The following IL1B variants were observed in gnomAD, a reference collection of about 807,000 sequenced individuals.
IL1B encodes interleukin 1 beta, also known as interleukin-1 beta.
A neutral mutation model predicts 26.2 loss-of-function variants in IL1B; 11 were observed. That is an observed-to-expected ratio of 0.42 (90% CI 0.26 to 0.70). The LOEUF (loss-of-function observed/expected upper bound fraction) is 0.70. Among genes scored for constraint, IL1B ranks in the 30% least tolerant of loss-of-function variants. IL1B has a pLI of 0.25. For synonymous variants in IL1B, 118 were observed against 120.8 expected, an observed-to-expected ratio of 0.98 and a Z score of 0.15; for missense variants, 255 against 327.5, an observed-to-expected ratio of 0.78 and a Z score of 1.71.
In IL1B at chr2:112,836,367, G is replaced by A. The variant is rs938597645; in HGVS notation, c.-15-123C>T. 7 of 761,328 alleles carry A rather than the reference G, an allele frequency of 9.2e-6. No homozygotes were observed. In the African/African-American group the frequency reaches 1.0e-4, roughly 11 times the overall value. 47.2% of individuals were successfully genotyped at this position (761,328 alleles called of 1,614,324 possible). A position where few individuals can be genotyped will look rare whatever the true frequency, so the allele number is the denominator to read the frequency against. ...GATCTCTGAGTAAATGAATGAATGT[G>A]TGAAAGAGAAGTCCTTTGGGTCTAG... On this transcript the variant is annotated intron_variant, in intron 1 of 6. Coordinates refer to ENST00000263341, the MANE Select transcript of IL1B (RefSeq NM_000576.3).
intron 5 of IL1B, 133 bp from the exon 6 acceptor site, chr2:112,831,555 G>A (rs931563392): frequency 6.3e-6 from 6 of 950,150 alleles, no homozygotes; most frequent in Non-Finnish European, 9.8e-6. Context: ...CTTGGCCTAA[G>A]ACACAGGATA....
rs1010163835 is a variant in IL1B at position 112,833,407 on chromosome 2, G to T, written c.268C>A (p.Leu90Met). The T allele has an allele frequency of 1.2e-6, 2 of 1,614,190 alleles. No individual in the cohort carries two copies. Among genetic ancestry groups the T allele is most frequent in the Non-Finnish European group, 1.7e-6 (2 of 1,180,044 alleles). Reference sequence around the variant, plus strand: ...AAGATGAAGGGAAAGAAGGTGCTCAGGTCATTCTCCTGGAAGGTCTGTGGG... The same window carrying T: ...AAGATGAAGGGAAAGAAGGTGCTCATGTCATTCTCCTGGAAGGTCTGTGGG... Reference protein sequence around the residue: ...PCPQTFQENDLSTFFPFIFEE... With the variant: ...PCPQTFQENDMSTFFPFIFEE... The change falls in exon 4 of 7, where the codon CTG becomes ATG. Residue 90 changes from leucine (L) to methionine (M), a missense_variant. Leu to Met is a conservative substitution (Grantham distance 15, BLOSUM62 2). Coordinates refer to ENST00000263341, the MANE Select transcript of IL1B (RefSeq NM_000576.3).
In IL1B at chr2:112,833,588, C is replaced by G; in HGVS notation, c.100-13G>C. 1 of 1,612,644 alleles carries G rather than the reference C, an allele frequency of 6.2e-7. No individual in the cohort carries two copies. Among genetic ancestry groups the G allele is most frequent in the African/African-American group, 1.3e-5 (1 of 74,968 alleles). ...CCTGGAAGGAGCACTGCGGAGAGAG[C>G]GAGGGAGGGAGCCTGGTGAGGTGGT... On this transcript the variant is annotated splice_polypyrimidine_tract_variant and intron_variant, in intron 3 of 6. Transcript: ENST00000263341.
intron 5 of IL1B, among the ~76,000 whole-genome samples, chr2:112,832,030 C>T (rs1231267577): frequency 6.6e-6 from 1 of 152,186 alleles, no homozygotes; most frequent in African/African-American, 2.4e-5. Context: ...ATAGCTTCCC[C>T]CTGAGTGAGG....
At chr2:112,833,141 G>T (rs769400829) in intron 4 of IL1B, 4 of 610,402 alleles carry the variant, frequency 6.6e-6, no homozygotes, top group East Asian at 2.8e-5. Context: ...TAAGTGAAAG[G>T]CCCCTGAGAA....
In IL1B at chr2:112,830,308, G is replaced by T; in HGVS notation, c.*53C>A. ...AAACCTTTCTGTTCCCTTTCTGCCA[G>T]CCCTAGGGATTGAGTCCACATTCAG... On this transcript the variant is annotated 3_prime_UTR_variant, in exon 7 of 7. Transcript: ENST00000263341. 6.8e-7 allele frequency: 1 copy of T among 1,467,562 alleles called. No individual in the cohort carries two copies. Among genetic ancestry groups the T allele is most frequent in the Non-Finnish European group, 9.6e-7 (1 of 1,047,052 alleles). The allele number at this position is 1,467,562 out of a possible 1,614,324, so 90.9% of individuals were successfully genotyped here. A position where few individuals can be genotyped will look rare whatever the true frequency, so the allele number is the denominator to read the frequency against.
At position 112,830,277 on chromosome 2, in the gene IL1B, A is replaced by AC; in HGVS notation, c.*83dup. On this transcript the variant is annotated 3_prime_UTR_variant, in exon 7 of 7. Transcript: ENST00000263341. ...ACAGGAAAGTCCAGGCTATAGCCGT[A>AC]CTCAAAAACCTTTCTGTTCCCTTTC... The AC allele has an allele frequency of 1.7e-6, 2 of 1,166,224 alleles. No individual in the cohort carries two copies. Among genetic ancestry groups the AC allele is most frequent in the East Asian group, 2.3e-5 (1 of 42,848 alleles). The allele number at this position is 1,166,224 out of a possible 1,614,324, so 72.2% of individuals were successfully genotyped here.
In IL1B at chr2:112,830,585, G is replaced by T; in HGVS notation, c.598-12C>A. On this transcript the variant is annotated splice_polypyrimidine_tract_variant and intron_variant, in intron 6 of 6. Transcript: ENST00000263341. ...TTGGGATCTACACTCTGCAGCGAAA[G>T]AGAAAGAAGAATTTTTGTGGGGCAA... 2 of 1,597,340 alleles carry T rather than the reference G, an allele frequency of 1.3e-6. No individual in the cohort carries two copies. Among genetic ancestry groups the T allele is most frequent in the Admixed American group, 1.7e-5 (1 of 59,990 alleles).
chr2:112,835,112 T>C (rs1382901136), intron 3 of IL1B: 1 of 198,288 alleles, frequency 5.0e-6, no homozygotes, highest in African/African-American at 2.3e-5. Flanking sequence ...TTTTTGTTTA[T>C]ATCATCTATG....
In IL1B at chr2:112,830,314, G is replaced by T; in HGVS notation, c.*47C>A. The T allele has an allele frequency of 6.7e-7, 1 of 1,497,584 alleles. No individual in the cohort carries two copies. Among genetic ancestry groups the T allele is most frequent in the Non-Finnish European group, 9.3e-7 (1 of 1,074,274 alleles). 92.8% of individuals were successfully genotyped at this position (1,497,584 alleles called of 1,614,324 possible). On this transcript the variant is annotated 3_prime_UTR_variant, in exon 7 of 7. Coordinates refer to ENST00000263341, the MANE Select transcript of IL1B (RefSeq NM_000576.3). ...TTCTGTTCCCTTTCTGCCAGCCCTA[G>T]GGATTGAGTCCACATTCAGCACAGG...
chr2:112,834,559 G>A (rs541130763), intron 3 of IL1B, among the ~76,000 whole-genome samples: 3 of 152,372 alleles, frequency 2.0e-5, no homozygotes, highest in African/African-American at 7.2e-5. Context: ...AGTTGAGCAG[G>A]AGAGAATTTC....
In IL1B at chr2:112,830,101, G is replaced by A; in HGVS notation, c.*260C>T. The A allele has an allele frequency of 4.6e-6, 2 of 438,010 alleles. No homozygotes were observed. The highest frequency in any genetic ancestry group is 8.2e-6 in the Non-Finnish European group (2 of 243,390). 27.1% of individuals were successfully genotyped at this position (438,010 alleles called of 1,614,324 possible). ...TGTGGCCGTGGTTTCTGTCAGGCGG[G>A]CTTTAAGTGAGTAGGAGAGGTGAGA... On this transcript the variant is annotated 3_prime_UTR_variant, in exon 7 of 7. Transcript: ENST00000263341.
rs1558781987 is a variant in IL1B at position 112,830,340 on chromosome 2, A to G, written c.*21T>C. The G allele has an allele frequency of 1.9e-6, 3 of 1,598,724 alleles. No individual in the cohort carries two copies. In the African/African-American group the frequency reaches 4.0e-5, roughly 21 times the overall value. On this transcript the variant is annotated 3_prime_UTR_variant, in exon 7 of 7. Coordinates refer to ENST00000263341, the MANE Select transcript of IL1B (RefSeq NM_000576.3). ...GGATTGAGTCCACATTCAGCACAGGACTCTCTGGGTACAGCTCTCTTTAGG... is the reference window on the plus strand; with the variant it reads ...GGATTGAGTCCACATTCAGCACAGGGCTCTCTGGGTACAGCTCTCTTTAGG...
chr2:112,831,947 A>G (rs1331522258), intron 5 of IL1B, among the ~76,000 whole-genome samples: 5 of 152,182 alleles, frequency 3.3e-5, no homozygotes, highest in African/African-American at 4.8e-5. Context: ...AGCAGTGTCA[A>G]TTGGAGGCCC....
chr2:112,833,112 C>T (rs913137324), intron 4 of IL1B: 25 of 598,674 alleles, frequency 4.2e-5, no homozygotes, highest in South Asian at 1.6e-4. Context: ...AGGGAGGTTA[C>T]GAACCTCTGG....
At chr2:112,833,751 T>C (rs1200108028) in intron 3 of IL1B, among the ~76,000 whole-genome samples, 176 bp from the exon 4 acceptor site, 1 of 152,122 alleles carries the variant, frequency 6.6e-6, no homozygotes, top group Non-Finnish European at 1.5e-5. Flanking sequence ...CCCAGCACTT[T>C]GGGAAGCCGA....
intron 3 of IL1B, 47 bp downstream of exon 3, chr2:112,835,519 T>C: frequency 6.7e-7 from 1 of 1,487,094 alleles, no homozygotes. Flanking sequence ...GAGCTTTCCC[T>C]GTGTTAGAGC....
chr2:112,831,267 G>A (rs774037611), intron 6 of IL1B, 25 bp downstream of exon 6: 5 of 1,613,414 alleles, frequency 3.1e-6, no homozygotes, highest in Non-Finnish European at 3.4e-6. Flanking sequence ...GCTGAGAAGG[G>A]CTTCATTCCA....
intron 6 of IL1B, 145 bp from the exon 7 acceptor site, chr2:112,830,718 A>G (rs193043599): frequency 3.1e-6 from 2 of 653,992 alleles, no homozygotes; most frequent in African/African-American, 3.6e-5. Flanking sequence ...CTGGGCCCCC[A>G]ACTTTCCGTG....
Sources: allele counts gnomAD v4.1 joint callset (sites outside exome capture counted in the v4.1 genomes callset), GRCh38; gene constraint gnomAD v4.1.1; transcripts MANE v1.5; gene names NCBI Gene and HGNC (gene_info 2026-07-23, HGNC 2026-07-21).